Variants in PM20D2 observed in about 807,000 individuals in gnomAD.
PM20D2 encodes the protein peptidase M20 domain containing 2, also known as xaa-Arg dipeptidase.
In PM20D2, 33 loss-of-function variants were observed where a neutral mutation model predicts 42.9. That is an observed-to-expected ratio of 0.77 (90% CI 0.58 to 1.03). The LOEUF (loss-of-function observed/expected upper bound fraction) is 1.03, where lower values mean the gene tolerates loss of function less well. Ranked by LOEUF, PM20D2 falls within the 50% of genes least tolerant of loss-of-function variation. The probability of loss-of-function intolerance (pLI) is 0.00; values close to 1 mark genes in which losing one functional copy is unlikely to be tolerated. For missense variants in PM20D2, 548 were observed against 557.0 expected (o/e 0.98, Z 0.16); for synonymous variants, 250 against 228.2 (o/e 1.10, Z -0.86).
Position 89,146,332 on chromosome 6 carries a change from C to A in PM20D2, c.188C>A (p.Thr63Lys). The A allele has an allele frequency of 6.4e-7, 1 of 1,571,068 alleles. No homozygotes were observed. Among genetic ancestry groups the A allele is most frequent in the Non-Finnish European group, 8.6e-7 (1 of 1,166,806 alleles). ...GAGCACCATGCCCACCGCGTGCTGACGCACTTCTTCGAGCGGGAGCCGCCC... is the reference window on the plus strand; with the variant it reads ...GAGCACCATGCCCACCGCGTGCTGAAGCACTTCTTCGAGCGGGAGCCGCCC... Reference protein sequence around the residue: ...YEEHHAHRVLTHFFEREPPAA... With the variant: ...YEEHHAHRVLKHFFEREPPAA... Residue 63 changes from threonine to lysine, a missense_variant, in exon 1 of 7, where the codon ACG (threonine) becomes AAG (lysine). By Grantham distance (78) the Thr-to-Lys change is moderately conservative (BLOSUM62 -1). This residue lies in a region of PM20D2 where 470 missense variants were observed against 464.4 expected (regional missense o/e 1.01). Transcript: ENST00000275072.
the PM20D2 span, among the ~76,000 whole-genome samples, chr6:89,137,811 T>G: frequency 6.6e-6 from 1 of 152,206 alleles, no homozygotes; most frequent in South Asian, 2.1e-4. Context: ...TTCAGACATA[T>G]TCATTGTTTG....
intron 2 of PM20D2, among the ~76,000 whole-genome samples, chr6:89,150,371 G>A (rs151262680): frequency 1.3e-3 from 195 of 152,148 alleles, no homozygotes; most frequent in Admixed American, 2.1e-3. Flanking sequence ...CTCTGCCCTT[G>A]CCTTTGACTA....
chr6:89,155,109 ACTTAT>A (rs1770993991), intron 4 of PM20D2, among the ~76,000 whole-genome samples: 1 of 152,174 alleles, frequency 6.6e-6, no homozygotes, highest in African/African-American at 2.4e-5. Context: ...AGGTCATCTT[ACTTAT>A]ATAGTAATTA....
At chr6:89,121,697 G>A in the PM20D2 span, among the ~76,000 whole-genome samples, 2 of 152,194 alleles carry the variant, frequency 1.3e-5, no homozygotes, top group African/African-American at 2.4e-5. Context: ...TTCCCAAGGA[G>A]TATACCACTG....
chr6:89,116,543 G>A, the PM20D2 span, among the ~76,000 whole-genome samples: 6 of 152,148 alleles, frequency 3.9e-5, no homozygotes, highest in African/African-American at 9.7e-5. Flanking sequence ...GGGAGGCCGA[G>A]CTGGGCGGAT....
rs375066025 is a variant in PM20D2, at chr6:89,159,980, C to CTGTGATTTTGG, written c.1048+1522_1048+1532dup. ...TGGACAAAACAGTAGGATAAAGTGG[C>CTGTGATTTTGG]TGTGATTTTGGTATGATTTGTGGGC... On this transcript the variant is annotated intron_variant, in intron 5 of 6. Coordinates refer to ENST00000275072, the MANE Select transcript of PM20D2 (RefSeq NM_001010853.3). 3.7e-3 allele frequency among the ~76,000 whole-genome samples: 569 copies of CTGTGATTTTGG among 152,264 alleles called. 8 individuals carry two copies. Among genetic ancestry groups the CTGTGATTTTGG allele is most frequent in the African/African-American group, 0.013 (534 of 41,548 alleles).
chr6:89,132,501 T>C, the PM20D2 span, among the ~76,000 whole-genome samples: 5 of 151,326 alleles, frequency 3.3e-5, no homozygotes, highest in Non-Finnish European at 5.9e-5. Context: ...ATGAATTCTT[T>C]TGAAATTAAT....
intron 1 of PM20D2, among the ~76,000 whole-genome samples, chr6:89,147,593 G>A (rs1307805660): frequency 2.6e-5 from 4 of 152,060 alleles, no homozygotes; most frequent in Non-Finnish European, 5.9e-5. Context: ...TAAAGGTTCT[G>A]AGTAGTCAGC....
the PM20D2 span, among the ~76,000 whole-genome samples, chr6:89,121,172 G>A: frequency 1.3e-5 from 2 of 152,150 alleles, no homozygotes; most frequent in South Asian, 2.1e-4. Flanking sequence ...CTTCAACTGT[G>A]TAAGGAGTTT....
chr6:89,119,588 A>C, the PM20D2 span, among the ~76,000 whole-genome samples: 1 of 152,206 alleles, frequency 6.6e-6, no homozygotes, highest in Non-Finnish European at 1.5e-5. Flanking sequence ...AAAGCACCAC[A>C]GATTTGGTGG....
the PM20D2 span, among the ~76,000 whole-genome samples, chr6:89,121,364 C>T: frequency 2.6e-5 from 4 of 152,042 alleles, no homozygotes; most frequent in Admixed American, 2.0e-4. Flanking sequence ...CATCGTCGGG[C>T]ACGGCCAACT....
At chr6:89,115,924 C>T in the PM20D2 span, among the ~76,000 whole-genome samples, 1 of 152,118 alleles carries the variant, frequency 6.6e-6, no homozygotes, top group African/African-American at 2.4e-5. Context: ...CATGAGCCAC[C>T]GCACCCGGCC....
At chr6:89,101,759 T>C in the PM20D2 span, among the ~76,000 whole-genome samples, 1 of 152,040 alleles carries the variant, frequency 6.6e-6, no homozygotes, top group Non-Finnish European at 1.5e-5. Flanking sequence ...GACAAATTTC[T>C]TTCAAAGGAG....
chr6:89,118,608 C>T, the PM20D2 span, among the ~76,000 whole-genome samples: 1 of 152,298 alleles, frequency 6.6e-6, no homozygotes, highest in African/African-American at 2.4e-5. Flanking sequence ...TGAGCCACCG[C>T]GCCTGGCCTG....
At chr6:89,153,839 TG>T (rs1335833264) in intron 3 of PM20D2, among the ~76,000 whole-genome samples, 5 of 152,154 alleles carry the variant, frequency 3.3e-5, no homozygotes, top group African/African-American at 9.7e-5. Flanking sequence ...TGGCCTTAAG[TG>T]ATCTGCCCAC....
At chr6:89,105,832 CAAAAAA>C in the PM20D2 span, 1 of 166,694 alleles carries the variant, frequency 6.0e-6, no homozygotes, top group Non-Finnish European at 1.3e-5. Flanking sequence ...ACAAGAAAAA[CAAAAAA>C]AAAGTCCAAA....
At chr6:89,118,046 G>C in the PM20D2 span, 1 of 516,598 alleles carries the variant, frequency 1.9e-6, no homozygotes. Context: ...GGCCGGCGCA[G>C]AGGGGGCGCA....
At position 89,162,201 on chromosome 6, in the gene PM20D2, G is replaced by A; in HGVS notation, c.1249G>A (p.Gly417Arg). The change falls in exon 7 of 7, where the codon GGA becomes AGA. Residue 417 changes from glycine (G) to arginine (R), a missense_variant. By Grantham distance (125) the Gly-to-Arg change is moderately radical. Coordinates refer to ENST00000275072, the MANE Select transcript of PM20D2 (RefSeq NM_001010853.3). ...DVIFKPELLE[G>R]IREDFKLKLQ... ...TATTTTTAAACCAGAGTTACTGGAA[G>A]GAATCAGAGAGGACTTTAAACTGAA... The A allele has an allele frequency of 6.2e-7, 1 of 1,614,174 alleles. No individual in the cohort carries two copies. The highest frequency in any genetic ancestry group is 8.5e-7 in the Non-Finnish European group (1 of 1,179,998).
Position 89,164,992 on chromosome 6 carries a change from A to C in PM20D2, c.*2729A>C, listed in dbSNP as rs2127784500. 6.6e-6 allele frequency: 1 copy of C among 151,632 alleles called. No homozygotes were observed. The highest frequency in any genetic ancestry group is 1.9e-4 in the East Asian group (1 of 5,164). The allele number at this position is 151,632 out of a possible 1,614,324, so 9.4% of individuals were successfully genotyped here. A position where few individuals can be genotyped will look rare whatever the true frequency, so the allele number is the denominator to read the frequency against. Reference sequence around the variant, plus strand: ...CCCCAGAAAGCTTGTGGTGGGTGGTAAGTTCTCACGAGATTTATTTATCTG... The same window carrying C: ...CCCCAGAAAGCTTGTGGTGGGTGGTCAGTTCTCACGAGATTTATTTATCTG... On this transcript the variant is annotated 3_prime_UTR_variant, in exon 7 of 7. Coordinates refer to ENST00000275072, the MANE Select transcript of PM20D2 (RefSeq NM_001010853.3).
Sources: gnomAD v4.1 joint callset for allele counts (sites outside exome capture counted in the v4.1 genomes callset) on GRCh38, gnomAD v4.1.1 for gene constraint, gnomAD v4.1.1 regional missense constraint, MANE v1.5 for transcripts, NCBI Gene and HGNC (gene_info 2026-07-23, HGNC 2026-07-21) for gene names.